Variants in PIKFYVE observed in about 807,000 individuals in gnomAD.
PIKFYVE encodes the protein phosphoinositide kinase, FYVE-type zinc finger containing.
Under a neutral mutation model 257.9 loss-of-function variants are expected in PIKFYVE, and 122 were observed. The ratio of observed to expected loss-of-function variants is 0.47; its 90% CI spans 0.41 to 0.55. The LOEUF (loss-of-function observed/expected upper bound fraction) is 0.55. PIKFYVE is among the 20% of genes least tolerant of loss of function. The probability of loss-of-function intolerance (pLI) is 0.00; values close to 1 mark genes in which losing one functional copy is unlikely to be tolerated. For synonymous variants in PIKFYVE, 892 were observed against 868.9 expected (o/e 1.03, Z -0.47); for missense variants, 2,160 against 2,536.6 (o/e 0.85, Z 3.19).
At chr2:208,283,703 C>G (rs931641295) in intron 5 of PIKFYVE, among the ~76,000 whole-genome samples, 1 of 152,160 alleles carries the variant, frequency 6.6e-6, no homozygotes, top group Admixed American at 6.5e-5. Flanking sequence ...ACCTCTCCGC[C>G]TCCCAAGTAG....
intron 28 of PIKFYVE, among the ~76,000 whole-genome samples, chr2:208,338,085 A>G (rs1025429298): frequency 1.3e-5 from 2 of 152,108 alleles, no homozygotes; most frequent in African/African-American, 4.8e-5. Context: ...ATATACTTCA[A>G]TCATAATGGT....
At chr2:208,314,511 G>A (rs1695261115) in intron 14 of PIKFYVE, 88 bp downstream of exon 14, 2 of 1,409,280 alleles carry the variant, frequency 1.4e-6, no homozygotes, top group South Asian at 1.3e-5. Flanking sequence ...TCTTAAAAAG[G>A]GAGGTCTTTT....
In PIKFYVE at chr2:208,351,410, T is replaced by C. The variant is rs748737714; in HGVS notation, c.5670T>C (p.Phe1890=). The change falls in exon 38 of 42, where the codon TTT becomes TTC. Residue 1890 remains phenylalanine, a synonymous_variant. Coordinates refer to ENST00000264380, the MANE Select transcript of PIKFYVE (RefSeq NM_015040.4). The part of the protein sequence containing the change: ...PRLEVQSFLD[F]APHYFNYITN... ...TGGAAGTCCAGTCCTTCCTCGACTT[T>C]GCACCACATTACTTCAATTATATTA... is the stretch of plus-strand genomic sequence containing the variant. 7 of 1,613,632 alleles carry C rather than the reference T, an allele frequency of 4.3e-6. No individual in the cohort carries two copies. In the African/African-American group the frequency reaches 9.3e-5, roughly 22 times the overall value.
Position 208,333,485 on chromosome 2 carries a change from G to A in PIKFYVE, c.4134G>A (p.Ala1378=), listed in dbSNP as rs760133678. 1.9e-5 allele frequency: 30 copies of A among 1,613,296 alleles called. No homozygotes were observed. Among genetic ancestry groups the A allele is most frequent in the Admixed American group, 1.0e-4 (6 of 59,988 alleles). The change falls in exon 24 of 42, where the codon GCG becomes GCA. Residue 1378 remains alanine, a synonymous_variant. Coordinates refer to ENST00000264380, the MANE Select transcript of PIKFYVE (RefSeq NM_015040.4). Reference sequence around the variant, plus strand: ...ATTTCTCCTATAACCAGATGGTGGCGTCTTTCAGGTAAGAAATCCTAGGAA... The same window carrying A: ...ATTTCTCCTATAACCAGATGGTGGCATCTTTCAGGTAAGAAATCCTAGGAA... The part of the protein sequence containing the change: ...HQYFSYNQMV[A]SFSYSPIRLL...
intron 13 of PIKFYVE, among the ~76,000 whole-genome samples, chr2:208,312,708 G>T (rs1263261207): frequency 1.3e-5 from 2 of 152,232 alleles, no homozygotes; most frequent in Non-Finnish European, 2.9e-5. Context: ...GAGTGAGGAA[G>T]AGAAGCAGGC....
At chr2:208,321,573 T>TGC (rs1696217271) in intron 17 of PIKFYVE, among the ~76,000 whole-genome samples, 1 of 10,774 alleles carries the variant, frequency 9.3e-5, no homozygotes, top group African/African-American at 1.3e-4. Flanking sequence ...TTCTTTTCTT[T>TGC]TGTTTTTTTT....
chr2:208,330,002 G>A, intron 22 of PIKFYVE, 89 bp downstream of exon 22: 1 of 1,528,108 alleles, frequency 6.5e-7, no homozygotes. Context: ...CGGATGTTAA[G>A]TGACTGTTAC....
At chr2:208,306,427 C>T (rs530408483) in intron 12 of PIKFYVE, among the ~76,000 whole-genome samples, 8 of 152,296 alleles carry the variant, frequency 5.3e-5, no homozygotes, top group Non-Finnish European at 1.0e-4. Context: ...AACATCTGTT[C>T]TCTGGACACA....
At chr2:208,324,357 T>C in intron 18 of PIKFYVE, 75 bp downstream of exon 18, 1 of 1,474,452 alleles carries the variant, frequency 6.8e-7, no homozygotes, top group Non-Finnish European at 9.4e-7. Flanking sequence ...ATGGTAGGTA[T>C]ACAAGAATCT....
chr2:208,354,788 A>AATT (rs1700058755), intron 41 of PIKFYVE, 143 bp downstream of exon 41: 1 of 712,940 alleles, frequency 1.4e-6, no homozygotes. Flanking sequence ...GTGACCAAAC[A>AATT]ATAATGAGAA....
intron 23 of PIKFYVE, among the ~76,000 whole-genome samples, chr2:208,332,544 G>T (rs1281236324): frequency 2.0e-5 from 3 of 152,070 alleles, no homozygotes. Flanking sequence ...ATCTCAGTGT[G>T]GAAAAACTTG....
At chr2:208,306,105 A>G (rs1009116587) in intron 12 of PIKFYVE, among the ~76,000 whole-genome samples, 19 of 152,238 alleles carry the variant, frequency 1.2e-4, no homozygotes, top group African/African-American at 4.3e-4. Flanking sequence ...AGTATTAGCT[A>G]TTATCAAGAT....
intron 41 of PIKFYVE, 97 bp downstream of exon 41, chr2:208,354,742 T>C (rs961387063): frequency 2.1e-6 from 2 of 951,150 alleles, no homozygotes; most frequent in African/African-American, 3.3e-5. Flanking sequence ...TTGTAAAAAA[T>C]AAGTGGTTAT....
In PIKFYVE at chr2:208,312,245, T is replaced by A. The variant is rs746133280; in HGVS notation, c.1646T>A (p.Ile549Asn). Residue 549 changes from isoleucine (I) to asparagine (N), a missense_variant, in exon 13 of 42, where the codon ATT becomes AAT. This residue lies in a region of PIKFYVE where 346 missense variants were observed against 365.6 expected (regional missense o/e 0.95). Coordinates refer to ENST00000264380, the MANE Select transcript of PIKFYVE (RefSeq NM_015040.4). Reference protein sequence around the residue: ...PHPADQKEYLISDTGGQQLSI... With the variant: ...PHPADQKEYLNSDTGGQQLSI... ...TCTCCCTGGTATGCAGAGTATTTGA[T>A]TTCTGACACTGGAGGACAACAGCTC... 6.2e-7 allele frequency: 1 copy of A among 1,611,554 alleles called. No homozygotes were observed.
chr2:208,337,471 T>G (rs750290867), intron 28 of PIKFYVE, among the ~76,000 whole-genome samples: 1 of 151,992 alleles, frequency 6.6e-6, no homozygotes, highest in East Asian at 1.9e-4. Flanking sequence ...TAGATATATA[T>G]AGATATAATA....
chr2:208,335,906 T>A lies in PIKFYVE; in HGVS notation c.4365+5T>A. 1 of 1,600,514 alleles carries A rather than the reference T, an allele frequency of 6.2e-7. No individual in the cohort carries two copies. The highest frequency in any genetic ancestry group is 8.6e-7 in the Non-Finnish European group (1 of 1,168,616). ...GATATTTTTGCACAGAAAGAGGTAA[T>A]TTATTTCTTTGGTAGAAAATTCAAA... On this transcript the variant is annotated splice_donor_5th_base_variant and intron_variant, in intron 26 of 41. Transcript: ENST00000264380.
intron 23 of PIKFYVE, 86 bp downstream of exon 23, chr2:208,330,780 T>C: frequency 1.5e-6 from 2 of 1,308,420 alleles, no homozygotes; most frequent in South Asian, 1.3e-5. Flanking sequence ...GTTTCCTATA[T>C]GGTACTGGAT....
chr2:208,325,205 A>G (rs1006490445), intron 19 of PIKFYVE, 65 bp from the exon 20 acceptor site: 2 of 1,567,510 alleles, frequency 1.3e-6, no homozygotes, highest in Non-Finnish European at 1.7e-6. Context: ...GAGTGAATTA[A>G]TTCTATTTGT....
chr2:208,324,517 G>A (rs1696690909), intron 18 of PIKFYVE, among the ~76,000 whole-genome samples: 1 of 152,102 alleles, frequency 6.6e-6, no homozygotes, highest in African/African-American at 2.4e-5. Context: ...AAGTGAAATG[G>A]ACATTAGTTA....
Sources: gnomAD v4.1 joint callset for allele counts (sites outside exome capture counted in the v4.1 genomes callset) on GRCh38, gnomAD v4.1.1 for gene constraint, gnomAD v4.1.1 regional missense constraint, MANE v1.5 for transcripts, NCBI Gene and HGNC (gene_info 2026-07-23, HGNC 2026-07-21) for gene names.